NLGN1: variants seen among roughly 807,000 people sequenced by gnomAD.
The protein encoded by NLGN1 is neuroligin 1, also known as neuroligin-1.
In NLGN1, 12 loss-of-function variants were observed where a neutral mutation model predicts 65.5. That is an observed-to-expected ratio of 0.18 (90% confidence interval 0.12 to 0.30). The LOEUF (loss-of-function observed/expected upper bound fraction) is 0.30. Ranked by LOEUF, NLGN1 falls within the 10% of genes least tolerant of loss-of-function variation. The pLI, the probability that NLGN1 is intolerant of heterozygous loss-of-function variation, is 1.00. For missense variants in NLGN1, 750 were observed against 1,007.1 expected, an observed-to-expected ratio of 0.74 and a Z score of 3.46; for synonymous variants, 350 against 359.5, an observed-to-expected ratio of 0.97 and a Z score of 0.30.
chr3:174,154,985 T>TAA (rs1561175061), intron 4 of NLGN1, among the ~76,000 whole-genome samples: 1 of 137,468 alleles, frequency 7.3e-6, no homozygotes, highest in African/African-American at 2.7e-5. Context: ...ATATATTATA[T>TAA]TATATATTAT....
rs139745254 is a variant in NLGN1 at position 174,072,171 on chromosome 3, G to A, written c.647-203144G>A. Among the ~76,000 whole-genome samples, 975 of 152,214 alleles carry A rather than the reference G, an allele frequency of 6.4e-3. 14 individuals are homozygous for A. The highest frequency in any genetic ancestry group is 0.022 in the African/African-American group (934 of 41,526). ...CTTTCACGTTATTGTATTTATCCTC[G>A]CAGTTACTCTGAGTGGTAATTGCAT... On this transcript the variant is annotated intron_variant, in intron 4 of 6. Coordinates refer to ENST00000457714, the Ensembl canonical transcript of NLGN1.
chr3:173,437,293 G>A (rs1490573617), intron 2 of NLGN1, among the ~76,000 whole-genome samples: 3 of 152,156 alleles, frequency 2.0e-5, no homozygotes, highest in Admixed American at 6.5e-5. Context: ...AATACCACAT[G>A]TGTCTATTGT....
In NLGN1 at chr3:174,185,662, T is replaced by C. The variant is rs533675560; in HGVS notation, c.647-89653T>C. Among the ~76,000 whole-genome samples, 28 of 152,132 alleles carry C rather than the reference T, an allele frequency of 1.8e-4. No homozygotes were observed. The South Asian group carries it at 2.5e-3, about 14-fold the overall frequency. ...AGTATATAGTTGACAAAGTAATGAA[T>C]ATAAAGATCAGACATATGAAAAAGT... On this transcript the variant is annotated intron_variant, in intron 4 of 6. Transcript: ENST00000457714.
intron 2 of NLGN1, among the ~76,000 whole-genome samples, chr3:173,539,011 T>C (rs1336589034): frequency 1.3e-5 from 2 of 151,962 alleles, no homozygotes; most frequent in African/African-American, 2.4e-5. Context: ...CCTGAGTTAG[T>C]ATATAATCAT....
intron 3 of NLGN1, among the ~76,000 whole-genome samples, chr3:173,650,961 A>G (rs1231594895): frequency 7.9e-5 from 12 of 151,830 alleles, no homozygotes. Flanking sequence ...TTTAAGGAGT[A>G]CAAGTGCATT....
chr3:173,443,519 G>A lies in NLGN1; in HGVS notation c.-321+8441G>A, dbSNP rs532818803. 9.9e-5 allele frequency among the ~76,000 whole-genome samples: 15 copies of A among 151,926 alleles called. No individual in the cohort carries two copies. In the East Asian group the frequency reaches 2.9e-3, roughly 29 times the overall value. On this transcript the variant is annotated intron_variant, in intron 2 of 6. Transcript: ENST00000457714. Reference sequence around the variant, plus strand: ...GCATTTAATGAGAATGGAAAAAGAAGTAAATAAACATATATATTGTATGTG... The same window carrying A: ...GCATTTAATGAGAATGGAAAAAGAAATAAATAAACATATATATTGTATGTG...
chr3:173,500,138 A>G (rs1366603995), intron 2 of NLGN1, among the ~76,000 whole-genome samples: 2 of 152,174 alleles, frequency 1.3e-5, no homozygotes, highest in African/African-American at 4.8e-5. Flanking sequence ...CCAGTTTTCA[A>G]AGGGAATGCT....
At chr3:173,572,632 C>T (rs544259267) in intron 2 of NLGN1, among the ~76,000 whole-genome samples, 1 of 152,320 alleles carries the variant, frequency 6.6e-6, no homozygotes, top group South Asian at 2.1e-4. Flanking sequence ...TCTAGTTACA[C>T]CTTTCTCTGG....
intron 4 of NLGN1, among the ~76,000 whole-genome samples, chr3:173,854,301 T>C (rs941367014): frequency 6.6e-6 from 1 of 152,096 alleles, no homozygotes; most frequent in African/African-American, 2.4e-5. Flanking sequence ...ATTGCTACTC[T>C]GCCATTTCAG....
At chr3:173,580,408 C>T (rs1258273830) in intron 2 of NLGN1, among the ~76,000 whole-genome samples, 1 of 151,934 alleles carries the variant, frequency 6.6e-6, no homozygotes, top group African/African-American at 2.4e-5. Context: ...ATTATTCATA[C>T]TAATTTTTAC....
intron 4 of NLGN1, among the ~76,000 whole-genome samples, chr3:173,902,964 T>C (rs1737650799): frequency 6.6e-6 from 1 of 152,158 alleles, no homozygotes; most frequent in African/African-American, 2.4e-5. Flanking sequence ...TACCATGTGT[T>C]TACTGCTATA....
intron 3 of NLGN1, among the ~76,000 whole-genome samples, chr3:173,636,456 A>T (rs947810625): frequency 6.6e-6 from 1 of 152,182 alleles, no homozygotes; most frequent in African/African-American, 2.4e-5. Flanking sequence ...TAGTTTGTTG[A>T]TGACATTTCT....
chr3:173,869,707 A>G lies in NLGN1; in HGVS notation c.646+61875A>G, dbSNP rs540553441. Among the ~76,000 whole-genome samples, 4 of 152,328 alleles carry G rather than the reference A, an allele frequency of 2.6e-5. No homozygotes were observed. The South Asian group carries it at 8.3e-4, about 32-fold the overall frequency. ...AATTATCACAGGTATTGGGAGACAC[A>G]TAGCACAAAAGAAAGTATTTCCTTC... On this transcript the variant is annotated intron_variant, in intron 4 of 6. Transcript: ENST00000457714.
chr3:173,429,507 G>A (rs550764341), intron 1 of NLGN1, among the ~76,000 whole-genome samples: 7 of 152,140 alleles, frequency 4.6e-5, no homozygotes, highest in Admixed American at 2.0e-4. Context: ...CTTCTTTTTT[G>A]TCTTTTCGTG....
chr3:173,541,321 A>G (rs1272035930), intron 2 of NLGN1, among the ~76,000 whole-genome samples: 1 of 152,176 alleles, frequency 6.6e-6, no homozygotes, highest in East Asian at 1.9e-4. Flanking sequence ...TATTTGTGTC[A>G]TTATTGTAAT....
chr3:173,702,382 C>A (rs926690622), intron 3 of NLGN1, among the ~76,000 whole-genome samples: 3 of 150,724 alleles, frequency 2.0e-5, no homozygotes, highest in Non-Finnish European at 4.4e-5. Context: ...ACTAGGCGAT[C>A]TGTAGTGAAT....
At chr3:173,553,516 A>G (rs1215490114) in intron 2 of NLGN1, among the ~76,000 whole-genome samples, 2 of 152,196 alleles carry the variant, frequency 1.3e-5, no homozygotes, top group East Asian at 3.8e-4. Flanking sequence ...GCCGAGGTTT[A>G]CCCAATATCT....
At chr3:174,079,201 A>C (rs989490466) in intron 4 of NLGN1, among the ~76,000 whole-genome samples, 2 of 152,146 alleles carry the variant, frequency 1.3e-5, no homozygotes, top group Non-Finnish European at 2.9e-5. Context: ...AGAAAAAAAA[A>C]ACTTTCCCAT....
intron 4 of NLGN1, among the ~76,000 whole-genome samples, chr3:174,093,210 G>A (rs1013100387): frequency 6.6e-6 from 1 of 152,128 alleles, no homozygotes; most frequent in Admixed American, 6.6e-5. Flanking sequence ...TTCAGCAAAC[G>A]CAATTTTGCA....
Sources: gnomAD v4.1 joint callset for allele counts (sites outside exome capture counted in the v4.1 genomes callset) on GRCh38, gnomAD v4.1.1 for gene constraint, MANE v1.5 for transcripts, NCBI Gene and HGNC (gene_info 2026-07-23, HGNC 2026-07-21) for gene names.